GSE1: variants seen among roughly 807,000 people sequenced by gnomAD.
The protein encoded by GSE1 is Gse1 coiled-coil protein, also known as genetic suppressor element 1.
A neutral mutation model predicts 112.6 loss-of-function variants in GSE1; 32 were observed. The observed-to-expected ratio is 0.28, with a 90% confidence interval of 0.21 to 0.38. The LOEUF is 0.38. GSE1 is among the 10% of genes least tolerant of loss of function. The pLI is 1.00. For missense variants in GSE1, 2,348 were observed against 1,699.2 expected (o/e 1.38, Z -6.71); for synonymous variants, 1,115 against 735.6 (o/e 1.52, Z -8.35).
chr16:85,307,244 T>A (rs1326583078), intron 1 of GSE1, among the ~76,000 whole-genome samples: 1 of 152,200 alleles, frequency 6.6e-6, no homozygotes, highest in Admixed American at 6.5e-5. Context: ...ACACTCCGTG[T>A]CAGGCCTGGA....
intron 1 of GSE1, among the ~76,000 whole-genome samples, chr16:85,220,287 G>A (rs2075369203): frequency 6.6e-6 from 1 of 152,226 alleles, no homozygotes. Flanking sequence ...GGGGCAGGCG[G>A]GGGTCTGGTT....
intron 1 of GSE1, among the ~76,000 whole-genome samples, chr16:85,263,033 C>G (rs2144119028): frequency 6.6e-6 from 1 of 152,316 alleles, no homozygotes; most frequent in East Asian, 1.9e-4. Flanking sequence ...CACACGGATC[C>G]CACAGATCGC....
chr16:85,596,715 A>T (rs1021312169), intron 1 of GSE1, among the ~76,000 whole-genome samples: 5 of 152,212 alleles, frequency 3.3e-5, no homozygotes, highest in African/African-American at 1.2e-4. Context: ...AGTACTGGAC[A>T]GTTCAGATGG....
chr16:85,232,003 G>C (rs1412466922), intron 1 of GSE1, among the ~76,000 whole-genome samples: 1 of 152,338 alleles, frequency 6.6e-6, no homozygotes. Flanking sequence ...CCGCTGTTTA[G>C]GGAGTGCCAG....
At chr16:85,658,616 C>G (rs1433898405) in intron 8 of GSE1, among the ~76,000 whole-genome samples, 6 of 152,210 alleles carry the variant, frequency 3.9e-5, no homozygotes, top group Non-Finnish European at 8.8e-5. Context: ...TGTCACCAGG[C>G]CACAGCTAAG....
intron 2 of GSE1, among the ~76,000 whole-genome samples, chr16:85,643,268 C>A (rs984977357): frequency 6.6e-6 from 1 of 152,208 alleles, no homozygotes. Flanking sequence ...CAGTTAATTA[C>A]AGCAATCACA....
At position 85,272,104 on chromosome 16, in the gene GSE1, A is replaced by G. The variant is rs934739112; in HGVS notation, c.2284-85359A>G. ...CAGACCCGTATCCTGCGTTCCCATC[A>G]TCGTCACCATGCGGCCGCCATTAGC... is the stretch of plus-strand genomic sequence containing the variant. On this transcript the variant is annotated intron_variant, in intron 1 of 2. Coordinates refer to the GSE1 transcript ENST00000637419. 2.6e-5 allele frequency among the ~76,000 whole-genome samples: 4 copies of G among 152,284 alleles called. No individual in the cohort carries two copies. The South Asian group carries it at 8.3e-4, about 32-fold the overall frequency.
At chr16:85,474,703 C>T (rs891376314) in intron 2 of GSE1, among the ~76,000 whole-genome samples, 1 of 147,282 alleles carries the variant, frequency 6.8e-6, no homozygotes, top group African/African-American at 2.5e-5. Flanking sequence ...TGTGCCCCTT[C>T]CCCTCCTCCC....
intron 2 of GSE1, among the ~76,000 whole-genome samples, chr16:85,451,002 AAGCAGAGGTTGCAGTG>A (rs1217494644): frequency 6.7e-6 from 1 of 149,562 alleles, no homozygotes; most frequent in Non-Finnish European, 1.5e-5. Flanking sequence ...TGAAACCAGG[AAGCAGAGGTTGCAGTG>A]AGCCAAGATC....
intron 2 of GSE1, among the ~76,000 whole-genome samples, chr16:85,648,073 G>A (rs577137297): frequency 6.7e-6 from 1 of 150,030 alleles, no homozygotes; most frequent in Non-Finnish European, 1.5e-5. Context: ...GGGGCAGGGT[G>A]TGTGGCCCAG....
intron 1 of GSE1, among the ~76,000 whole-genome samples, chr16:85,295,882 G>C (rs2045352461): frequency 1.3e-5 from 2 of 151,796 alleles, no homozygotes; most frequent in South Asian, 4.2e-4. Context: ...TGGGACTACA[G>C]GTGTGAGCCA....
intron 1 of GSE1, among the ~76,000 whole-genome samples, chr16:85,257,909 T>G (rs1033332709): frequency 6.6e-6 from 1 of 152,242 alleles, no homozygotes; most frequent in South Asian, 2.1e-4. Flanking sequence ...TGTTTATACA[T>G]ACACGTAAAC....
intron 2 of GSE1, among the ~76,000 whole-genome samples, chr16:85,397,037 G>A (rs1567734516): frequency 6.6e-6 from 1 of 152,320 alleles, no homozygotes; most frequent in African/African-American, 2.4e-5. Context: ...CCTCCAGCTG[G>A]GTGGGTGGGA....
In GSE1 at chr16:85,666,130, G is replaced by C. The variant is rs567396769; in HGVS notation, c.2913G>C (p.Gly971=). ...TCCAGGAGCTAGCTCCTGCCAGCGG[G>C]GAGAAGGCCAGGCTGAGCGAGGCCC... ...SRVQELAPAS[G]EKARLSEAPG... Residue 971 remains glycine, a synonymous_variant, in exon 13 of 16, where the codon GGG becomes GGC. Transcript: ENST00000253458. The C allele has an allele frequency of 1.2e-6, 2 of 1,613,314 alleles. No individual in the cohort carries two copies. The highest frequency in any genetic ancestry group is 2.7e-5 in the African/African-American group (2 of 75,046).
intron 2 of GSE1, among the ~76,000 whole-genome samples, chr16:85,485,455 C>T (rs539122101): frequency 5.3e-5 from 8 of 152,340 alleles, no homozygotes; most frequent in South Asian, 2.1e-4. Context: ...TGTTCCTGGG[C>T]GGCAAAGGAG....
chr16:85,632,224 G>A (rs547836883), intron 1 of GSE1, among the ~76,000 whole-genome samples: 248 of 152,352 alleles, frequency 1.6e-3, no homozygotes, highest in African/African-American at 5.4e-3. Flanking sequence ...GCACGGCCAC[G>A]GCGCCACCTG....
intron 2 of GSE1, among the ~76,000 whole-genome samples, chr16:85,517,590 A>T (rs1406250272): frequency 7.2e-6 from 1 of 139,512 alleles, no homozygotes; most frequent in African/African-American, 3.0e-5. Flanking sequence ...CGGCCCCTGA[A>T]TCCCACGCTC....
intron 1 of GSE1, among the ~76,000 whole-genome samples, chr16:85,305,879 C>T (rs191760874): frequency 2.2e-4 from 33 of 152,054 alleles, no homozygotes; most frequent in African/African-American, 8.0e-4. Flanking sequence ...CACTTGAGGC[C>T]GGGAGTTCGA....
chr16:85,441,147 G>C (rs562317426), intron 2 of GSE1, among the ~76,000 whole-genome samples: 1 of 152,164 alleles, frequency 6.6e-6, no homozygotes, highest in Non-Finnish European at 1.5e-5. Flanking sequence ...TCTCAGCCTC[G>C]GCACTGTTGG....
Sources: allele counts gnomAD v4.1 joint callset (sites outside exome capture counted in the v4.1 genomes callset), GRCh38; gene constraint gnomAD v4.1.1; transcripts MANE v1.5; gene names NCBI Gene and HGNC (gene_info 2026-07-23, HGNC 2026-07-21).